The following BABAM2 variants were observed in gnomAD, a reference collection of about 807,000 sequenced individuals.
BABAM2 encodes BRISC and BRCA1 A complex member 2.
A neutral mutation model predicts 54.7 loss-of-function variants in BABAM2; 31 were observed. That is an observed-to-expected ratio of 0.57 (90% CI 0.43 to 0.77). The LOEUF is 0.77. Ranked by LOEUF, BABAM2 falls within the 30% of genes least tolerant of loss-of-function variation. The pLI is 0.00. For synonymous variants in BABAM2, 167 were observed against 162.9 expected (o/e 1.03, Z -0.19); for missense variants, 364 against 455.8 (o/e 0.80, Z 1.83).
chr2:27,938,522 G>A (rs1668648818), intron 3 of BABAM2, among the ~76,000 whole-genome samples: 3 of 152,040 alleles, frequency 2.0e-5, no homozygotes, highest in Middle Eastern at 6.8e-3. Context: ...CTCCTGAGTA[G>A]CTGGGACTAC....
At chr2:28,255,031 C>T (rs1391721328) in intron 10 of BABAM2, among the ~76,000 whole-genome samples, 8 of 152,062 alleles carry the variant, frequency 5.3e-5, no homozygotes, top group African/African-American at 1.9e-4. Context: ...GCCACTGCAC[C>T]CAGCCCAGAT....
intron 7 of BABAM2, among the ~76,000 whole-genome samples, chr2:28,171,394 T>C (rs960254655): frequency 6.6e-6 from 1 of 152,192 alleles, no homozygotes; most frequent in Non-Finnish European, 1.5e-5. Context: ...ATGATCTACT[T>C]TCAGGAATGG....
chr2:27,914,081 T>A (rs771228149), intron 2 of BABAM2, among the ~76,000 whole-genome samples: 2 of 152,192 alleles, frequency 1.3e-5, no homozygotes, highest in Admixed American at 6.5e-5. Context: ...ATTGTTTTAA[T>A]CTACACCAGA....
chr2:28,253,367 A>T (rs745713990), intron 10 of BABAM2, among the ~76,000 whole-genome samples: 31 of 151,338 alleles, frequency 2.0e-4, no homozygotes, highest in Admixed American at 4.6e-4. Context: ...GCACCACTGT[A>T]CTCAGGCCTG....
chr2:28,125,707 T>C (rs889182668), intron 6 of BABAM2, among the ~76,000 whole-genome samples: 2 of 152,192 alleles, frequency 1.3e-5, no homozygotes, highest in African/African-American at 4.8e-5. Context: ...TAAGTTCCAC[T>C]ACTAACAAAT....
rs185145118 is a variant in BABAM2 at position 28,060,639 on chromosome 2, T to C, written c.570+14840T>C. On this transcript the variant is annotated intron_variant, in intron 6 of 11. Transcript: ENST00000379624. Reference sequence around the variant, plus strand: ...TAGAACTAATAAGTGAATTTTGTAATGTTGCAGGATACAAGGTCAATATAT... The same window carrying C: ...TAGAACTAATAAGTGAATTTTGTAACGTTGCAGGATACAAGGTCAATATAT... 1.1e-4 allele frequency among the ~76,000 whole-genome samples: 17 copies of C among 152,344 alleles called. No homozygotes were observed. In the East Asian group the frequency reaches 2.9e-3, roughly 26 times the overall value.
intron 4 of BABAM2, among the ~76,000 whole-genome samples, chr2:28,008,633 AGAT>A (rs1402780171): frequency 6.6e-6 from 1 of 152,154 alleles, no homozygotes; most frequent in Non-Finnish European, 1.5e-5. Context: ...TTGAGAGAAA[AGAT>A]GATGATTTAA....
At chr2:27,938,101 A>G (rs1377103747) in intron 3 of BABAM2, among the ~76,000 whole-genome samples, 1 of 152,168 alleles carries the variant, frequency 6.6e-6, no homozygotes, top group African/African-American at 2.4e-5. Flanking sequence ...CTTTGTCAAA[A>G]ATCAGTTAGC....
At position 28,327,473 on chromosome 2, in the gene BABAM2, T is replaced by C. The variant is rs1690574776; in HGVS notation, c.1089-10977T>C. On this transcript the variant is annotated intron_variant, in intron 11 of 11. Coordinates refer to ENST00000379624, the MANE Select transcript of BABAM2 (RefSeq NM_199191.3). ...GTAAGTATTTAAAAATACCCTGTGA[T>C]TTAGCAGGAACCAGAATTCATCCCA... 3 of 1,533,408 alleles carry C rather than the reference T, an allele frequency of 2.0e-6. No individual in the cohort carries two copies. The African/African-American group carries it at 4.2e-5, about 21-fold the overall frequency. 95.0% of individuals were successfully genotyped at this position (1,533,408 alleles called of 1,614,324 possible). A position where few individuals can be genotyped will look rare whatever the true frequency, so the allele number is the denominator to read the frequency against.
At chr2:28,130,680 C>G (rs1331364732) in intron 7 of BABAM2, among the ~76,000 whole-genome samples, 2 of 152,050 alleles carry the variant, frequency 1.3e-5, no homozygotes, top group African/African-American at 4.8e-5. Context: ...TCTCAAACTC[C>G]TAGGCTCAAG....
chr2:28,170,574 A>G (rs1483890428), intron 7 of BABAM2, among the ~76,000 whole-genome samples: 2 of 152,044 alleles, frequency 1.3e-5, no homozygotes, highest in African/African-American at 4.8e-5. Context: ...TATAAGAAAT[A>G]TTTCCTCCTA....
At chr2:28,061,968 A>G (rs1453816306) in intron 6 of BABAM2, among the ~76,000 whole-genome samples, 1 of 152,156 alleles carries the variant, frequency 6.6e-6, no homozygotes, top group Non-Finnish European at 1.5e-5. Context: ...AAACATTTCC[A>G]GGATTGTTGG....
At chr2:28,295,128 A>T (rs1041980443) in intron 10 of BABAM2, among the ~76,000 whole-genome samples, 1 of 152,214 alleles carries the variant, frequency 6.6e-6, no homozygotes, top group Non-Finnish European at 1.5e-5. Context: ...AGATGGTTCC[A>T]AAATAGGTGG....
At chr2:28,224,956 G>A (rs1343430970) in intron 7 of BABAM2, among the ~76,000 whole-genome samples, 1 of 151,846 alleles carries the variant, frequency 6.6e-6, no homozygotes, top group Non-Finnish European at 1.5e-5. Context: ...TGTGCCAAAC[G>A]GTGCAATGTG....
At chr2:28,104,791 A>C (rs1306856866) in intron 6 of BABAM2, among the ~76,000 whole-genome samples, 1 of 152,178 alleles carries the variant, frequency 6.6e-6, no homozygotes, top group African/African-American at 2.4e-5. Context: ...AACCAACCCA[A>C]ATGTCCATCA....
intron 7 of BABAM2, among the ~76,000 whole-genome samples, chr2:28,182,979 C>T (rs1675808864): frequency 6.6e-6 from 1 of 152,136 alleles, no homozygotes; most frequent in Non-Finnish European, 1.5e-5. Context: ...AGACCAAAGC[C>T]CATGAGGGTT....
At chr2:28,190,037 T>C (rs950853408) in intron 7 of BABAM2, among the ~76,000 whole-genome samples, 8 of 152,170 alleles carry the variant, frequency 5.3e-5, no homozygotes, top group African/African-American at 1.9e-4. Context: ...GGTAGTTCAA[T>C]AGAGAAAGGA....
At chr2:27,961,830 T>C (rs546309818) in intron 3 of BABAM2, among the ~76,000 whole-genome samples, 4 of 149,670 alleles carry the variant, frequency 2.7e-5, no homozygotes, top group African/African-American at 7.4e-5. Context: ...TAGGCTCAAG[T>C]GATCCTCCCA....
rs567758177 is a variant in BABAM2, at chr2:27,957,700, C to A, written c.205+27792C>A. 5.3e-4 allele frequency among the ~76,000 whole-genome samples: 81 copies of A among 152,272 alleles called. 2 individuals carry two copies. In the South Asian group the frequency reaches 0.017, roughly 31 times the overall value. On this transcript the variant is annotated intron_variant, in intron 3 of 11. Coordinates refer to ENST00000379624, the MANE Select transcript of BABAM2 (RefSeq NM_199191.3). ...CAAAGATGGCCACAACAGCATTTCCCATTCCACATGCTCTTCTATACCATG... is the reference window on the plus strand; with the variant it reads ...CAAAGATGGCCACAACAGCATTTCCAATTCCACATGCTCTTCTATACCATG...
Sources: allele counts gnomAD v4.1 joint callset (sites outside exome capture counted in the v4.1 genomes callset), GRCh38; gene constraint gnomAD v4.1.1; transcripts MANE v1.5; gene names NCBI Gene and HGNC (gene_info 2026-07-23, HGNC 2026-07-21).